The following EYS variants were observed in gnomAD, a reference collection of about 807,000 sequenced individuals.
The protein encoded by EYS is EGF-like photoreceptor maintenance factor, also known as protein eyes shut homolog.
A neutral mutation model predicts 282.1 loss-of-function variants in EYS; 250 were observed. The observed-to-expected ratio is 0.89, with a 90% CI of 0.80 to 0.98. The LOEUF is 0.98. EYS is among the 50% of genes least tolerant of loss of function. The pLI, the probability that EYS is intolerant of heterozygous loss-of-function variation, is 0.00. For synonymous variants in EYS, 1,355 were observed against 1,282.9 expected (o/e 1.06, Z -1.20); for missense variants, 4,016 against 3,709.0 (o/e 1.08, Z -2.15).
intron 29 of EYS, among the ~76,000 whole-genome samples, chr6:64,319,857 A>C (rs978686163): frequency 6.6e-6 from 1 of 151,868 alleles, no homozygotes; most frequent in Non-Finnish European, 1.5e-5. Context: ...TTCTTTTCTC[A>C]GTTTTCCTCA....
At chr6:63,910,639 A>C (rs2149737582) in intron 35 of EYS, among the ~76,000 whole-genome samples, 1 of 152,308 alleles carries the variant, frequency 6.6e-6, no homozygotes, top group East Asian at 1.9e-4. Flanking sequence ...ATACAGAAGA[A>C]ATTTCACATT....
At chr6:64,454,376 T>C (rs373703497) in intron 26 of EYS, among the ~76,000 whole-genome samples, 11 of 152,270 alleles carry the variant, frequency 7.2e-5, no homozygotes, top group African/African-American at 2.6e-4. Flanking sequence ...CTGTGCCCTT[T>C]TATATAAATA....
intron 1 of EYS, among the ~76,000 whole-genome samples, chr6:65,693,638 A>C (rs1769329327): frequency 6.7e-6 from 1 of 150,152 alleles, no homozygotes; most frequent in Non-Finnish European, 1.5e-5. Context: ...GGAAAATTAT[A>C]GAATTTCAAG....
intron 1 of EYS, among the ~76,000 whole-genome samples, chr6:65,652,757 G>A (rs1403917513): frequency 1.3e-5 from 2 of 151,936 alleles, no homozygotes; most frequent in Admixed American, 6.6e-5. Flanking sequence ...CTTTAAGGCA[G>A]GAAGGGTGCA....
At chr6:64,694,024 A>G (rs955626388) in intron 22 of EYS, among the ~76,000 whole-genome samples, 1 of 152,198 alleles carries the variant, frequency 6.6e-6, no homozygotes, top group East Asian at 1.9e-4. Context: ...ACAGATTCAC[A>G]TCAATGAATA....
chr6:64,515,755 C>T (rs924337908), intron 26 of EYS, among the ~76,000 whole-genome samples: 8 of 151,246 alleles, frequency 5.3e-5, no homozygotes, highest in Non-Finnish European at 8.9e-5. Context: ...GAAATTAATA[C>T]ATTTTTAAAA....
Position 65,648,688 on chromosome 6 carries a change from C to T in EYS, c.-447-8796G>A, listed in dbSNP as rs141090464. 7.2e-4 allele frequency among the ~76,000 whole-genome samples: 105 copies of T among 146,424 alleles called. No homozygotes were observed. The Middle Eastern group carries it at 0.014, about 20-fold the overall frequency. On this transcript the variant is annotated intron_variant, in intron 1 of 42. Coordinates refer to ENST00000503581, the MANE Select transcript of EYS (RefSeq NM_001142800.2). ...TTCATATAACCAAACACCACCTGTT[C>T]CCCAAACACCTATTGAAATAAAAAA...
chr6:64,349,268 A>C (rs1771526947), intron 29 of EYS, among the ~76,000 whole-genome samples: 1 of 151,372 alleles, frequency 6.6e-6, no homozygotes, highest in South Asian at 2.1e-4. Context: ...GTTTAATTAC[A>C]TATAAATTAA....
intron 26 of EYS, among the ~76,000 whole-genome samples, chr6:64,574,517 T>C (rs1241310303): frequency 6.6e-6 from 1 of 152,196 alleles, no homozygotes; most frequent in Non-Finnish European, 1.5e-5. Flanking sequence ...AAGCATGGAA[T>C]GCATGAATCA....
chr6:63,806,360 G>A lies in EYS; in HGVS notation c.7241C>T (p.Thr2414Ile). Residue 2414 changes from threonine to isoleucine, a missense_variant, in exon 37 of 43, where the codon ACT becomes ATT. Thr to Ile is a moderately conservative substitution (Grantham distance 89). Coordinates refer to ENST00000503581, the MANE Select transcript of EYS (RefSeq NM_001142800.2). ...ATCTGTGCCACTGAACCTTGGCTGA[G>A]TAATATTAATAGCTGTGAAAAAACC... ...GPLCTDAINI[T>I]QPRFSGTDAF... The A allele has an allele frequency of 1.6e-5, 24 of 1,545,354 alleles. No homozygotes were observed. Among genetic ancestry groups the A allele is most frequent in the Non-Finnish European group, 2.1e-5 (24 of 1,143,204 alleles).
intron 12 of EYS, among the ~76,000 whole-genome samples, chr6:65,123,628 C>G (rs1431560766): frequency 6.6e-6 from 1 of 151,964 alleles, no homozygotes; most frequent in Admixed American, 6.6e-5. Flanking sequence ...ACCAGAGTGG[C>G]TAATATATGT....
intron 31 of EYS, among the ~76,000 whole-genome samples, chr6:64,225,707 A>C (rs1412791563): frequency 6.6e-6 from 1 of 152,136 alleles, no homozygotes; most frequent in African/African-American, 2.4e-5. Flanking sequence ...AAGTATGAGA[A>C]TAGGGAGCAG....
At chr6:63,743,654 G>T (rs1769139005) in intron 41 of EYS, among the ~76,000 whole-genome samples, 5 of 152,180 alleles carry the variant, frequency 3.3e-5, no homozygotes, top group Admixed American at 3.3e-4. Context: ...TGCACCGTTT[G>T]TCTCCAAAAC....
intron 29 of EYS, among the ~76,000 whole-genome samples, chr6:64,343,859 A>C (rs1296151767): frequency 6.6e-6 from 1 of 152,162 alleles, no homozygotes; most frequent in East Asian, 1.9e-4. Context: ...ACGCAATAAA[A>C]AATGATAAAG....
At chr6:64,515,125 G>C (rs2150521822) in intron 26 of EYS, among the ~76,000 whole-genome samples, 1 of 151,674 alleles carries the variant, frequency 6.6e-6, no homozygotes, top group Non-Finnish European at 1.5e-5. Context: ...AAATTTGATA[G>C]CAAATTTGTG....
intron 36 of EYS, among the ~76,000 whole-genome samples, chr6:63,831,844 A>T (rs566196581): frequency 6.6e-6 from 1 of 152,224 alleles, no homozygotes; most frequent in Non-Finnish European, 1.5e-5. Context: ...AATGTAAAAG[A>T]GCAGAAATTA....
At chr6:64,809,106 C>A (rs1025589436) in intron 22 of EYS, among the ~76,000 whole-genome samples, 11 of 151,936 alleles carry the variant, frequency 7.2e-5, no homozygotes, top group Admixed American at 3.3e-4. Context: ...AGAAATAATT[C>A]AATAAACAAG....
intron 31 of EYS, among the ~76,000 whole-genome samples, chr6:64,128,137 T>G (rs1009149714): frequency 6.6e-6 from 1 of 152,112 alleles, no homozygotes; most frequent in Non-Finnish European, 1.5e-5. Flanking sequence ...AATAGTAACT[T>G]CTGATGTGTA....
intron 28 of EYS, among the ~76,000 whole-genome samples, chr6:64,419,060 T>A (rs1774145268): frequency 6.6e-6 from 1 of 152,236 alleles, no homozygotes. Flanking sequence ...ATTTAAATAT[T>A]CGCTATGGCT....
Sources: allele counts gnomAD v4.1 joint callset (sites outside exome capture counted in the v4.1 genomes callset), GRCh38; gene constraint gnomAD v4.1.1; transcripts MANE v1.5; gene names NCBI Gene and HGNC (gene_info 2026-07-23, HGNC 2026-07-21).